Variants in WWC1 observed in about 807,000 individuals in gnomAD.
The protein encoded by WWC1 is protein KIBRA.
A neutral mutation model predicts 138.4 loss-of-function variants in WWC1; 55 were observed. The observed-to-expected ratio is 0.40, with a 90% CI of 0.32 to 0.50. WWC1 has a LOEUF of 0.50. WWC1 is among the 20% of genes least tolerant of loss of function. WWC1 has a pLI of 0.72. For synonymous variants in WWC1, 524 were observed against 564.9 expected (o/e 0.93, Z 1.03); for missense variants, 1,226 against 1,420.4 (o/e 0.86, Z 2.20).
At chr5:168,465,261 G>A (rs2152895668) in intron 21 of WWC1, among the ~76,000 whole-genome samples, 1 of 152,322 alleles carries the variant, frequency 6.6e-6, no homozygotes, top group African/African-American at 2.4e-5. Context: ...AGTTCTTCAT[G>A]AAATACGTAG....
chr5:168,469,171 C>G lies in WWC1; in HGVS notation c.*154C>G, dbSNP rs558723849. 54 of 740,810 alleles carry G rather than the reference C, an allele frequency of 7.3e-5. No homozygotes were observed. The African/African-American group carries it at 8.1e-4, about 11-fold the overall frequency. 45.9% of individuals were successfully genotyped at this position (740,810 alleles called of 1,614,324 possible). A position where few individuals can be genotyped will look rare whatever the true frequency, so the allele number is the denominator to read the frequency against. ...ATGAACCGACTTTTTAGTTTGGGTC[C>G]TACTGTTGTTATTAAAAACAGAACA... On this transcript the variant is annotated 3_prime_UTR_variant, in exon 23 of 23. Coordinates refer to ENST00000265293, the MANE Select transcript of WWC1 (RefSeq NM_015238.3).
intron 1 of WWC1, among the ~76,000 whole-genome samples, chr5:168,337,018 G>A (rs1011801726): frequency 1.3e-5 from 2 of 152,094 alleles, no homozygotes; most frequent in African/African-American, 2.4e-5. Flanking sequence ...TACCATGACC[G>A]CAGTGAGAAA....
chr5:168,403,868 GCATA>G (rs1390867266), intron 5 of WWC1, among the ~76,000 whole-genome samples: 1 of 81,392 alleles, frequency 1.2e-5, no homozygotes, highest in Non-Finnish European at 2.4e-5. Context: ...TAAAACACAT[GCATA>G]CACACACACA....
Position 168,422,069 on chromosome 5 carries a change from G to C in WWC1, c.1246G>C (p.Val416Leu), listed in dbSNP as rs1472243754. 1.2e-6 allele frequency: 2 copies of C among 1,613,082 alleles called. No individual in the cohort carries two copies. Among genetic ancestry groups the C allele is most frequent in the Non-Finnish European group, 1.7e-6 (2 of 1,179,398 alleles). ...VRELEEATRQ[V>L]ATLHSQLKSL... ...AGAACTGGAGGAAGCCACCCGGCAG[G>C]TGGCAACTCTGCACTCCCAGCTGAA... Residue 416 changes from valine to leucine, a missense_variant, in exon 10 of 23, where the codon GTG becomes CTG. Val to Leu is a conservative substitution (Grantham distance 32, BLOSUM62 1). Coordinates refer to ENST00000265293, the MANE Select transcript of WWC1 (RefSeq NM_015238.3).
chr5:168,405,949 A>G (rs1779749949), intron 5 of WWC1, among the ~76,000 whole-genome samples: 1 of 151,278 alleles, frequency 6.6e-6, no homozygotes, highest in Non-Finnish European at 1.5e-5. Flanking sequence ...TTAGTCTTGA[A>G]CTCCTGGCCT....
intron 1 of WWC1, among the ~76,000 whole-genome samples, chr5:168,359,182 A>G (rs779037034): frequency 4.6e-5 from 7 of 151,896 alleles, no homozygotes; most frequent in Non-Finnish European, 8.8e-5. Flanking sequence ...CCACCTCCCA[A>G]GTAGCTGGGA....
chr5:168,357,322 AC>A (rs1775506678), intron 1 of WWC1, among the ~76,000 whole-genome samples: 2 of 150,872 alleles, frequency 1.3e-5, no homozygotes, highest in African/African-American at 4.9e-5. Flanking sequence ...ACACACACAC[AC>A]ACACACACAC....
intron 17 of WWC1, among the ~76,000 whole-genome samples, chr5:168,446,882 C>T (rs775004772): frequency 9.2e-5 from 14 of 152,210 alleles, no homozygotes; most frequent in Non-Finnish European, 1.8e-4. Flanking sequence ...TAGGAAATGG[C>T]CACAGCCTAT....
chr5:168,447,670 AT>A (rs924860637), intron 17 of WWC1, among the ~76,000 whole-genome samples: 1 of 150,920 alleles, frequency 6.6e-6, no homozygotes, highest in African/African-American at 2.4e-5. Context: ...CTCTCTTACT[AT>A]TTTTTTCATG....
intron 1 of WWC1, among the ~76,000 whole-genome samples, chr5:168,330,189 G>T (rs1024427703): frequency 2.0e-5 from 3 of 152,116 alleles, no homozygotes; most frequent in African/African-American, 7.2e-5. Context: ...AAATGTTCCC[G>T]TGCCCCTGCC....
At chr5:168,317,173 G>T (rs535495076) in intron 1 of WWC1, among the ~76,000 whole-genome samples, 13 of 152,280 alleles carry the variant, frequency 8.5e-5, no homozygotes, top group African/African-American at 2.9e-4. Context: ...TGGCAAGAGG[G>T]TTGGGGTTTC....
intron 1 of WWC1, among the ~76,000 whole-genome samples, chr5:168,302,337 T>C (rs1308556530): frequency 6.6e-6 from 1 of 152,210 alleles, no homozygotes; most frequent in East Asian, 1.9e-4. Context: ...GCTCAGACTC[T>C]GTTGCCAGAG....
At chr5:168,414,226 A>G in intron 8 of WWC1, 122 bp from the exon 9 acceptor site, 1 of 1,408,460 alleles carries the variant, frequency 7.1e-7, no homozygotes, top group East Asian at 2.4e-5. Flanking sequence ...TGAGATGACA[A>G]GCTGATCAAA....
chr5:168,307,841 A>G (rs1770717487), intron 1 of WWC1, among the ~76,000 whole-genome samples: 1 of 151,804 alleles, frequency 6.6e-6, no homozygotes. Context: ...CGATCTCCTG[A>G]CCTCGTGATC....
At chr5:168,448,607 T>C (rs1755498693) in intron 17 of WWC1, among the ~76,000 whole-genome samples, 1 of 147,172 alleles carries the variant, frequency 6.8e-6, no homozygotes, top group African/African-American at 2.6e-5. Context: ...AGAATAGTTC[T>C]CAAATAAGAT....
Position 168,292,310 on chromosome 5 carries a change from C to T in WWC1, c.119+39C>T, listed in dbSNP as rs978779339. ...ACCCTCCTCCGTGCCCCCACACCCC[C>T]GCCTGGGCCCCCACCTGCCCCTGGA... On this transcript the variant is annotated intron_variant, in intron 1 of 22. Transcript: ENST00000265293. The surrounding 1 kb of genome is among the most constrained non-coding windows in gnomAD (Gnocchi z 4.4). The T allele has an allele frequency of 1.3e-5, 20 of 1,549,338 alleles. No homozygotes were observed. Among genetic ancestry groups the T allele is most frequent in the Non-Finnish European group, 1.7e-5 (19 of 1,147,444 alleles).
intron 3 of WWC1, among the ~76,000 whole-genome samples, chr5:168,388,149 A>G (rs1357050106): frequency 6.6e-6 from 1 of 152,228 alleles, no homozygotes; most frequent in Non-Finnish European, 1.5e-5. Flanking sequence ...TAATGAGACC[A>G]GGTGATATCA....
At chr5:168,349,889 A>G (rs1224136745) in intron 1 of WWC1, among the ~76,000 whole-genome samples, 2 of 152,146 alleles carry the variant, frequency 1.3e-5, no homozygotes, top group African/African-American at 2.4e-5. Flanking sequence ...TTTCCTCAAA[A>G]TAACACTCCA....
chr5:168,461,157 C>T (rs765522941), intron 20 of WWC1, among the ~76,000 whole-genome samples: 1 of 152,084 alleles, frequency 6.6e-6, no homozygotes, highest in African/African-American at 2.4e-5. Flanking sequence ...AGTGAAACCC[C>T]ATCTCTACTA....
Sources: allele counts gnomAD v4.1 joint callset (sites outside exome capture counted in the v4.1 genomes callset), GRCh38; gene constraint gnomAD v4.1.1; non-coding constraint Gnocchi (gnomAD v3.1); transcripts MANE v1.5; gene names NCBI Gene and HGNC (gene_info 2026-07-23, HGNC 2026-07-21).